Variants in SLC24A2 observed in about 807,000 individuals in gnomAD.
The protein encoded by SLC24A2 is sodium/potassium/calcium exchanger 2.
SLC24A2 carries 36 observed loss-of-function variants against 62.0 expected under a neutral mutation model. The observed-to-expected ratio is 0.58, with a 90% CI of 0.44 to 0.77. SLC24A2 has a LOEUF of 0.77. Ranked by LOEUF, SLC24A2 falls within the 30% of genes least tolerant of loss-of-function variation. The pLI is 0.00. For synonymous variants in SLC24A2, 358 were observed against 294.0 expected, an observed-to-expected ratio of 1.22 and a Z score of -2.23; for missense variants, 846 against 817.9, an observed-to-expected ratio of 1.03 and a Z score of -0.42.
the SLC24A2 span, among the ~76,000 whole-genome samples, chr9:20,210,637 C>CTTTTTT: frequency 1.2e-5 from 1 of 80,876 alleles, no homozygotes; most frequent in African/African-American, 5.7e-5. Context: ...CAACGCCCGG[C>CTTTTTT]TTTTTTTTTT....
chr9:20,099,756 A>G, the SLC24A2 span, among the ~76,000 whole-genome samples: 5 of 152,204 alleles, frequency 3.3e-5, no homozygotes, highest in African/African-American at 4.8e-5. Context: ...AGGTACCTCA[A>G]TTCTATAACT....
chr9:20,126,696 T>C, the SLC24A2 span, among the ~76,000 whole-genome samples: 2 of 152,220 alleles, frequency 1.3e-5, no homozygotes, highest in Admixed American at 6.6e-5. Flanking sequence ...CATCCACCAC[T>C]GATCTTTGTG....
At chr9:20,137,906 A>C in the SLC24A2 span, among the ~76,000 whole-genome samples, 1 of 152,348 alleles carries the variant, frequency 6.6e-6, no homozygotes, top group East Asian at 1.9e-4. Context: ...AAGTTAGAGA[A>C]CAGAGTGAAT....
chr9:19,686,028 G>C (rs1213672541), intron 2 of SLC24A2, among the ~76,000 whole-genome samples: 1 of 151,910 alleles, frequency 6.6e-6, no homozygotes, highest in Non-Finnish European at 1.5e-5. Context: ...ATTCAACAAA[G>C]GTATAATATC....
chr9:19,675,469 C>A (rs1819534850), intron 2 of SLC24A2, among the ~76,000 whole-genome samples: 1 of 152,068 alleles, frequency 6.6e-6, no homozygotes, highest in African/African-American at 2.4e-5. Flanking sequence ...AGAGAAAGAC[C>A]ATCAGGTGTA....
At chr9:19,616,860 G>T (rs1817781512) in intron 4 of SLC24A2, among the ~76,000 whole-genome samples, 1 of 152,126 alleles carries the variant, frequency 6.6e-6, no homozygotes, top group Non-Finnish European at 1.5e-5. Context: ...TACACAGAGT[G>T]CTGAAAAATG....
the SLC24A2 span, among the ~76,000 whole-genome samples, chr9:20,179,789 G>GTT: frequency 1.2e-4 from 19 of 152,304 alleles, no homozygotes; most frequent in East Asian, 3.5e-3. Context: ...GCAAAACTAA[G>GTT]TTTTGAATTG....
the SLC24A2 span, among the ~76,000 whole-genome samples, chr9:19,882,332 G>A: frequency 7.9e-5 from 12 of 152,050 alleles, no homozygotes; most frequent in African/African-American, 2.9e-4. Context: ...TCAGTCCAAA[G>A]GTTAGCATCT....
At chr9:20,053,830 G>A in the SLC24A2 span, among the ~76,000 whole-genome samples, 3 of 152,196 alleles carry the variant, frequency 2.0e-5, no homozygotes, top group Non-Finnish European at 4.4e-5. Flanking sequence ...GCCACCCCGT[G>A]TATGGTATTT....
At chr9:19,695,174 C>G (rs887782077) in intron 2 of SLC24A2, among the ~76,000 whole-genome samples, 9 of 152,024 alleles carry the variant, frequency 5.9e-5, no homozygotes, top group Non-Finnish European at 1.3e-4. Context: ...GCTAGGGAAG[C>G]TGCTAAACAT....
chr9:19,631,542 T>G (rs1310470588), intron 2 of SLC24A2, among the ~76,000 whole-genome samples: 1 of 152,190 alleles, frequency 6.6e-6, no homozygotes, highest in Non-Finnish European at 1.5e-5. Context: ...GAGGGGGTCT[T>G]ACATATTACA....
the SLC24A2 span, among the ~76,000 whole-genome samples, chr9:20,233,973 C>T: frequency 6.6e-6 from 1 of 152,180 alleles, no homozygotes; most frequent in African/African-American, 2.4e-5. Flanking sequence ...TTTTATTTCT[C>T]CTTCACTTAC....
the SLC24A2 span, among the ~76,000 whole-genome samples, chr9:19,968,491 A>G: frequency 2.0e-5 from 3 of 152,230 alleles, no homozygotes; most frequent in Non-Finnish European, 2.9e-5. Flanking sequence ...TTGCTTATAG[A>G]AATAAGGTCC....
At chr9:19,840,052 T>C in the SLC24A2 span, among the ~76,000 whole-genome samples, 6 of 152,222 alleles carry the variant, frequency 3.9e-5, no homozygotes, top group African/African-American at 1.2e-4. Flanking sequence ...CATTAAGTGA[T>C]GCATGACTGT....
At chr9:19,712,035 T>C (rs569397830) in intron 2 of SLC24A2, among the ~76,000 whole-genome samples, 1 of 152,288 alleles carries the variant, frequency 6.6e-6, no homozygotes, top group African/African-American at 2.4e-5. Flanking sequence ...GAGGACAGTT[T>C]TCTGTGCCCC....
chr9:20,249,097 G>C, the SLC24A2 span, among the ~76,000 whole-genome samples: 2 of 152,194 alleles, frequency 1.3e-5, no homozygotes, highest in African/African-American at 4.8e-5. Context: ...AGTCACACAA[G>C]TTGTGTGACT....
chr9:20,000,754 A>G, the SLC24A2 span, among the ~76,000 whole-genome samples: 21 of 152,320 alleles, frequency 1.4e-4, no homozygotes, highest in African/African-American at 5.1e-4. Context: ...AAGCATAAAG[A>G]CAGGAAATAT....
intron 5 of SLC24A2, among the ~76,000 whole-genome samples, chr9:19,577,936 A>C (rs951329401): frequency 4.6e-5 from 7 of 151,478 alleles, no homozygotes; most frequent in Admixed American, 2.6e-4. Flanking sequence ...CAGCATTTGC[A>C]GTGATCTGAA....
At chr9:19,765,227 C>G (rs573316805) in intron 2 of SLC24A2, among the ~76,000 whole-genome samples, 1 of 152,062 alleles carries the variant, frequency 6.6e-6, no homozygotes, top group Non-Finnish European at 1.5e-5. Context: ...TACAGAACAC[C>G]AATGGGTCTT....
Sources: allele counts gnomAD v4.1 joint callset (sites outside exome capture counted in the v4.1 genomes callset), GRCh38; gene constraint gnomAD v4.1.1; transcripts MANE v1.5; gene names NCBI Gene and HGNC (gene_info 2026-07-23, HGNC 2026-07-21).